RP1: variants seen among roughly 807,000 people sequenced by gnomAD.
RP1 encodes oxygen-regulated protein 1.
A neutral mutation model predicts 14.8 loss-of-function variants in RP1; 16 were observed. That is an observed-to-expected ratio of 1.08 (90% CI 0.73 to 1.65). The LOEUF (loss-of-function observed/expected upper bound fraction) is 1.65, where lower values mean the gene tolerates loss of function less well. Among genes scored for constraint, RP1 ranks in the 40% most tolerant of loss-of-function variants. The pLI is 0.00. For missense variants in RP1, 2,631 were observed against 2,535.0 expected (o/e 1.04, Z -0.81); for synonymous variants, 876 against 883.6 (o/e 0.99, Z 0.15).
intron 24 of RP1, among the ~76,000 whole-genome samples, chr8:54,834,494 G>A (rs1390337006): frequency 6.6e-6 from 1 of 151,886 alleles, no homozygotes; most frequent in Non-Finnish European, 1.5e-5. Flanking sequence ...AAGGAAACCT[G>A]AATACTCTAG....
At chr8:54,701,462 G>A in intron 13 of RP1, 2 of 1,489,400 alleles carry the variant, frequency 1.3e-6, no homozygotes, top group Non-Finnish European at 1.8e-6. Flanking sequence ...CTAATTTAGA[G>A]GGTTTTTTTG....
intron 27 of RP1, among the ~76,000 whole-genome samples, chr8:54,862,672 C>T (rs1812370931): frequency 6.6e-6 from 1 of 152,140 alleles, no homozygotes; most frequent in Admixed American, 6.5e-5. Context: ...ATCTCCTCTC[C>T]TCTGTGTGGT....
At chr8:54,782,486 T>C (rs919692099) in intron 23 of RP1, among the ~76,000 whole-genome samples, 20 of 152,150 alleles carry the variant, frequency 1.3e-4, no homozygotes, top group African/African-American at 3.9e-4. Flanking sequence ...GTGGTTTTAA[T>C]TGTATTTTGG....
At chr8:54,793,748 TC>T (rs1157192916) in intron 24 of RP1, among the ~76,000 whole-genome samples, 1 of 152,098 alleles carries the variant, frequency 6.6e-6, no homozygotes. Context: ...CTGAAGGCTT[TC>T]TCTCAAACAT....
intron 22 of RP1, among the ~76,000 whole-genome samples, chr8:54,768,141 G>A (rs772733633): frequency 2.0e-5 from 3 of 152,198 alleles, no homozygotes; most frequent in Non-Finnish European, 4.4e-5. Flanking sequence ...CGTCAGCCAC[G>A]TGGAATCTCA....
At chr8:54,843,333 C>T (rs1360363833) in intron 25 of RP1, among the ~76,000 whole-genome samples, 2 of 152,182 alleles carry the variant, frequency 1.3e-5, no homozygotes, top group Non-Finnish European at 2.9e-5. Context: ...CCACCCGCTT[C>T]GGCCTCCCAA....
chr8:54,817,006 G>C (rs1489421143), intron 24 of RP1, among the ~76,000 whole-genome samples: 1 of 151,932 alleles, frequency 6.6e-6, no homozygotes. Context: ...ATCTCAGCCT[G>C]AATATTACTT....
chr8:54,853,819 G>A (rs1812117213), intron 26 of RP1, among the ~76,000 whole-genome samples: 1 of 127,416 alleles, frequency 7.8e-6, no homozygotes, highest in Non-Finnish European at 1.6e-5. Context: ...AGAAAGGAAG[G>A]AAGAGAAACA....
intron 7 of RP1, among the ~76,000 whole-genome samples, chr8:54,670,634 T>TA (rs1807150659): frequency 7.6e-6 from 1 of 131,622 alleles, no homozygotes; most frequent in South Asian, 2.3e-4. Flanking sequence ...TACTCTGATG[T>TA]TAGGTGCACA....
downstream of RP1, among the ~76,000 whole-genome samples, chr8:54,770,589 C>A (rs951111772): frequency 6.8e-6 from 1 of 147,360 alleles, no homozygotes; most frequent in African/African-American, 2.5e-5. Context: ...AAGAAATACT[C>A]AACTTGTAAT....
intron 21 of RP1, among the ~76,000 whole-genome samples, chr8:54,756,998 G>A (rs895395073): frequency 1.3e-5 from 2 of 152,174 alleles, no homozygotes; most frequent in African/African-American, 2.4e-5. Context: ...AGTACAGTGA[G>A]GGCTTAGTGG....
chr8:54,825,238 C>A (rs569827145), intron 24 of RP1, among the ~76,000 whole-genome samples: 2 of 152,228 alleles, frequency 1.3e-5, no homozygotes, highest in East Asian at 1.9e-4. Context: ...GGATTACAGG[C>A]GTGAGTCACC....
At chr8:54,798,810 A>G (rs190085482) in intron 24 of RP1, among the ~76,000 whole-genome samples, 10 of 152,300 alleles carry the variant, frequency 6.6e-5, no homozygotes, top group Admixed American at 2.0e-4. Flanking sequence ...CTGGCTTGAC[A>G]GTATCACACA....
At chr8:54,596,694 T>C (rs1457210362) in intron 1 of RP1, among the ~76,000 whole-genome samples, 1 of 152,206 alleles carries the variant, frequency 6.6e-6, no homozygotes, top group Non-Finnish European at 1.5e-5. Flanking sequence ...AAGAGCCAAC[T>C]CTTTTCCTCT....
At chr8:54,678,650 T>A (rs990971626) in intron 9 of RP1, 1 of 799,338 alleles carries the variant, frequency 1.3e-6, no homozygotes, top group Non-Finnish European at 1.9e-6. Flanking sequence ...CTTTGTTGGG[T>A]AACTTTTGTG....
chr8:54,655,445 GATCAGGTATAAATA>G (rs1806735155), intron 5 of RP1, among the ~76,000 whole-genome samples: 1 of 150,032 alleles, frequency 6.7e-6, no homozygotes, highest in Non-Finnish European at 1.5e-5. Flanking sequence ...AGGATAAATG[GATCAGGTATAAATA>G]ATCAGTGCTT....
At chr8:54,590,529 G>A (rs1291787649) in intron 1 of RP1, among the ~76,000 whole-genome samples, 2 of 152,086 alleles carry the variant, frequency 1.3e-5, no homozygotes, top group South Asian at 2.1e-4. Flanking sequence ...TTCCTACCTT[G>A]TTTTCCTCTT....
intron 19 of RP1, among the ~76,000 whole-genome samples, chr8:54,748,798 C>T (rs1176625850): frequency 6.6e-6 from 1 of 151,976 alleles, no homozygotes; most frequent in Non-Finnish European, 1.5e-5. Flanking sequence ...TTTATTTTTT[C>T]AGAAAAAGCT....
chr8:54,797,342 T>A (rs1294071549), intron 24 of RP1, among the ~76,000 whole-genome samples: 2 of 152,036 alleles, frequency 1.3e-5, no homozygotes, highest in Admixed American at 6.6e-5. Context: ...GACGTTAAGG[T>A]AGAAATAAAG....
Sources: allele counts gnomAD v4.1 joint callset (sites outside exome capture counted in the v4.1 genomes callset), GRCh38; gene constraint gnomAD v4.1.1; transcripts MANE v1.5; gene names NCBI Gene and HGNC (gene_info 2026-07-23, HGNC 2026-07-21).